KCND3: variants seen among roughly 807,000 people sequenced by gnomAD.
The protein encoded by KCND3 is A-type voltage-gated potassium channel KCND3.
In KCND3, 9 loss-of-function variants were observed where a neutral mutation model predicts 51.1. The ratio of observed to expected loss-of-function variants is 0.18; its 90% CI spans 0.11 to 0.31. The LOEUF (loss-of-function observed/expected upper bound fraction) is 0.31. KCND3 is among the 10% of genes least tolerant of loss of function. KCND3 has a pLI of 1.00. For synonymous variants in KCND3, 349 were observed against 368.0 expected, an observed-to-expected ratio of 0.95 and a Z score of 0.59; for missense variants, 526 against 903.8, an observed-to-expected ratio of 0.58 and a Z score of 5.36.
At chr1:111,861,118 C>A (rs980425547) in intron 2 of KCND3, among the ~76,000 whole-genome samples, 1 of 151,894 alleles carries the variant, frequency 6.6e-6, no homozygotes. Context: ...CAGGTGGTGA[C>A]TAGTTGAGGT....
intron 2 of KCND3, among the ~76,000 whole-genome samples, chr1:111,870,454 T>C (rs762227566): frequency 6.6e-5 from 10 of 152,150 alleles, no homozygotes; most frequent in Non-Finnish European, 1.3e-4. Flanking sequence ...ACTTTGACAC[T>C]GAAGGAAATT....
At chr1:111,949,983 T>C (rs6685026) in intron 2 of KCND3, among the ~76,000 whole-genome samples, 44,781 of 152,156 alleles carry the variant, frequency 0.29, 6,775 homozygotes, top group Middle Eastern at 0.4. Context: ...CGATCTCAGC[T>C]CACTGCAACC....
At chr1:111,878,438 C>T (rs560024851) in intron 2 of KCND3, among the ~76,000 whole-genome samples, 12 of 152,352 alleles carry the variant, frequency 7.9e-5, no homozygotes, top group African/African-American at 2.6e-4. Flanking sequence ...CTGTGGCGCC[C>T]GCCCAAGGCA....
rs1415040465 is a variant in KCND3 at position 111,972,539 on chromosome 1, T to C, written c.1106+9082A>G. 5.3e-5 allele frequency among the ~76,000 whole-genome samples: 8 copies of C among 152,220 alleles called. No individual in the cohort carries two copies. The East Asian group carries it at 1.5e-3, about 29-fold the overall frequency. On this transcript the variant is annotated intron_variant, in intron 2 of 7. Coordinates refer to ENST00000302127, the MANE Select transcript of KCND3 (RefSeq NM_001378969.1). ...TAAGCTTCCCAAACATCAAGCCCTT[T>C]TGCAATTTATTAGGATTTCCCATTT... is the stretch of plus-strand genomic sequence containing the variant.
At chr1:111,904,679 G>A (rs895034004) in intron 2 of KCND3, among the ~76,000 whole-genome samples, 1 of 152,186 alleles carries the variant, frequency 6.6e-6, no homozygotes. Context: ...GGCGAGAATC[G>A]ATGCTACGCT....
chr1:111,776,673 A>C (rs1305353207), intron 7 of KCND3, among the ~76,000 whole-genome samples: 1 of 152,220 alleles, frequency 6.6e-6, no homozygotes. Context: ...CATGAGTAAC[A>C]CAGATACGAA....
Position 111,978,399 on chromosome 1 carries a change from T to A in KCND3, c.1106+3222A>T, listed in dbSNP as rs140088396. Among the ~76,000 whole-genome samples, 10 of 152,244 alleles carry A rather than the reference T, an allele frequency of 6.6e-5. No individual in the cohort carries two copies. In the East Asian group the frequency reaches 1.9e-3, roughly 29 times the overall value. On this transcript the variant is annotated intron_variant, in intron 2 of 7. Transcript: ENST00000302127. ...AGAGGTAGATATCTGCTGTGAGCTG[T>A]TAGAAGCAACTGAATGATGGCAAGA...
At chr1:111,801,338 A>G (rs1048912843) in intron 2 of KCND3, among the ~76,000 whole-genome samples, 1 of 152,226 alleles carries the variant, frequency 6.6e-6, no homozygotes, top group Non-Finnish European at 1.5e-5. Context: ...TAGCACAGCT[A>G]GAGGTGGTGA....
intron 2 of KCND3, among the ~76,000 whole-genome samples, chr1:111,880,493 G>T (rs541772050): frequency 6.6e-6 from 1 of 152,316 alleles, no homozygotes; most frequent in Admixed American, 6.5e-5. Flanking sequence ...TCAGGTGGAT[G>T]GAAGGTGCCC....
chr1:111,784,103 T>TCACA (rs369429634), intron 3 of KCND3, among the ~76,000 whole-genome samples: 1,943 of 117,532 alleles, frequency 0.017, 20 homozygotes, highest in Middle Eastern at 0.037. Context: ...CATTAACTTA[T>TCACA]CACACACACA....
At chr1:111,815,747 T>C (rs1369078601) in intron 2 of KCND3, among the ~76,000 whole-genome samples, 1 of 151,992 alleles carries the variant, frequency 6.6e-6, no homozygotes, top group Admixed American at 6.6e-5. Context: ...CCGAATAACA[T>C]ATATTTTTAC....
chr1:111,919,842 C>T (rs186948041), intron 2 of KCND3, among the ~76,000 whole-genome samples: 4 of 152,282 alleles, frequency 2.6e-5, no homozygotes, highest in African/African-American at 7.2e-5. Flanking sequence ...GGATTCAAAC[C>T]GATTTGAAAC....
chr1:111,846,023 T>C (rs1417457423), intron 2 of KCND3, among the ~76,000 whole-genome samples: 1 of 152,146 alleles, frequency 6.6e-6, no homozygotes, highest in Non-Finnish European at 1.5e-5. Flanking sequence ...CCTCAGTGGG[T>C]TTGCAAAGCT....
At chr1:111,864,037 G>C (rs1431748066) in intron 2 of KCND3, among the ~76,000 whole-genome samples, 5 of 152,036 alleles carry the variant, frequency 3.3e-5, no homozygotes, top group African/African-American at 1.2e-4. Context: ...ATAAATGGGG[G>C]CAGCTTTGAT....
At chr1:111,862,344 C>T (rs1483211635) in intron 2 of KCND3, among the ~76,000 whole-genome samples, 1 of 152,252 alleles carries the variant, frequency 6.6e-6, no homozygotes, top group Non-Finnish European at 1.5e-5. Flanking sequence ...ATGGGCATAG[C>T]CATGTTTCAA....
At chr1:111,859,834 T>A (rs1668253527) in intron 2 of KCND3, among the ~76,000 whole-genome samples, 1 of 152,260 alleles carries the variant, frequency 6.6e-6, no homozygotes, top group Non-Finnish European at 1.5e-5. Flanking sequence ...AAGTCATTTA[T>A]TCCTCACAAT....
intron 2 of KCND3, among the ~76,000 whole-genome samples, chr1:111,887,271 C>T (rs1484137920): frequency 6.6e-6 from 1 of 152,180 alleles, no homozygotes; most frequent in Non-Finnish European, 1.5e-5. Flanking sequence ...CCTTTGAAGA[C>T]ATATCTCATT....
intron 2 of KCND3, among the ~76,000 whole-genome samples, chr1:111,901,738 G>C (rs937318121): frequency 5.3e-5 from 8 of 152,086 alleles, no homozygotes. Context: ...GGGTCCCAAA[G>C]CCCCAGCCTG....
chr1:111,794,232 A>T (rs1387206594), intron 2 of KCND3, among the ~76,000 whole-genome samples: 1 of 152,272 alleles, frequency 6.6e-6, no homozygotes, highest in African/African-American at 2.4e-5. Flanking sequence ...TAAACTTTTT[A>T]TCTGAACTTA....
Sources: gnomAD v4.1 joint callset for allele counts (sites outside exome capture counted in the v4.1 genomes callset) on GRCh38, gnomAD v4.1.1 for gene constraint, MANE v1.5 for transcripts, NCBI Gene and HGNC (gene_info 2026-07-23, HGNC 2026-07-21) for gene names.